Variants in PRKCH observed in about 807,000 individuals in gnomAD.
The protein encoded by PRKCH is protein kinase C eta.
A neutral mutation model predicts 82.5 loss-of-function variants in PRKCH; 28 were observed. The observed-to-expected ratio is 0.34, with a 90% CI of 0.25 to 0.47. The LOEUF (loss-of-function observed/expected upper bound fraction) is 0.47, where lower values mean the gene tolerates loss of function less well. Ranked by LOEUF, PRKCH falls within the 20% of genes least tolerant of loss-of-function variation. The pLI, the probability that PRKCH is intolerant of heterozygous loss-of-function variation, is 1.00. For missense variants in PRKCH, 705 were observed against 881.8 expected (o/e 0.80, Z 2.54); for synonymous variants, 322 against 327.4 (o/e 0.98, Z 0.18).
intron 1 of PRKCH, chr14:61,304,675 T>C (rs866645617): frequency 5.3e-5 from 8 of 151,312 alleles, no homozygotes; most frequent in African/African-American, 1.9e-4. Context: ...AAAAAAAAAA[T>C]TAGTTGGACA....
At chr14:61,469,536 C>T (rs1456260233) in intron 9 of PRKCH, among the ~76,000 whole-genome samples, 1 of 152,192 alleles carries the variant, frequency 6.6e-6, no homozygotes, top group Non-Finnish European at 1.5e-5. Flanking sequence ...TGAGCTGGGA[C>T]TGCCAGGTAG....
At chr14:61,424,008 T>C (rs542810360) in intron 2 of PRKCH, among the ~76,000 whole-genome samples, 49 of 152,266 alleles carry the variant, frequency 3.2e-4, no homozygotes, top group African/African-American at 1.1e-3. Context: ...CGAGAACTGA[T>C]GGTTTTATAA....
At chr14:61,473,647 G>A (rs779890373) in intron 9 of PRKCH, among the ~76,000 whole-genome samples, 1 of 152,162 alleles carries the variant, frequency 6.6e-6, no homozygotes, top group African/African-American at 2.4e-5. Flanking sequence ...ACTTGAGATG[G>A]GAGATCAGTT....
intron 1 of PRKCH, among the ~76,000 whole-genome samples, chr14:61,248,798 A>ATGTATG (rs1428817945): frequency 5.9e-4 from 13 of 21,986 alleles, no homozygotes; most frequent in Middle Eastern, 0.017. Flanking sequence ...GTATGTATGT[A>ATGTATG]TGTGTGTGTG....
At chr14:61,431,911 T>C (rs995376149) in intron 2 of PRKCH, among the ~76,000 whole-genome samples, 5 of 152,220 alleles carry the variant, frequency 3.3e-5, no homozygotes, top group Non-Finnish European at 5.9e-5. Context: ...ATTTACTTTC[T>C]ACTTTTTCTA....
rs1482773242 is a variant in PRKCH, at chr14:61,533,339, T to TG, written c.1761+2744_1761+2745insG. On this transcript the variant is annotated intron_variant, in intron 12 of 13. Transcript: ENST00000332981. ...AGAGGATTTCTGGGATTTTTTTTTT[T>TG]TTTTTGTGCATTTTACTCTCCATGC... 2.2e-4 allele frequency among the ~76,000 whole-genome samples: 33 copies of TG among 151,660 alleles called. No individual in the cohort carries two copies. The East Asian group carries it at 4.5e-3, about 21-fold the overall frequency.
chr14:61,244,285 T>C (rs1056372448), intron 1 of PRKCH, among the ~76,000 whole-genome samples: 3 of 152,176 alleles, frequency 2.0e-5, no homozygotes, highest in African/African-American at 7.2e-5. Context: ...GAGGGTTTTT[T>C]TCAGCTGAGG....
chr14:61,230,532 C>G (rs1376638237), intron 1 of PRKCH, among the ~76,000 whole-genome samples: 1 of 152,184 alleles, frequency 6.6e-6, no homozygotes, highest in Non-Finnish European at 1.5e-5. Context: ...TAGGTCGTGT[C>G]TCATTCTCTG....
At chr14:61,337,950 C>T (rs2045880066) in intron 1 of PRKCH, among the ~76,000 whole-genome samples, 1 of 152,228 alleles carries the variant, frequency 6.6e-6, no homozygotes, top group Non-Finnish European at 1.5e-5. Flanking sequence ...CCTTTGTTAG[C>T]TCTTTGGTTG....
At position 61,439,589 on chromosome 14, in the gene PRKCH, A is replaced by G. The variant is rs563866902; in HGVS notation, c.428-3522A>G. On this transcript the variant is annotated intron_variant, in intron 2 of 13. Coordinates refer to ENST00000332981, the MANE Select transcript of PRKCH (RefSeq NM_006255.5). ...ACGGCCCCAGGTCGTGAGAGAAGACATTGAGGTGCACTCCCGGCCTGCTGT... is the reference window on the plus strand; with the variant it reads ...ACGGCCCCAGGTCGTGAGAGAAGACGTTGAGGTGCACTCCCGGCCTGCTGT... Among the ~76,000 whole-genome samples the G allele has an allele frequency of 5.3e-5, 8 of 152,234 alleles. No homozygotes were observed. The South Asian group carries it at 1.7e-3, about 32-fold the overall frequency.
chr14:61,456,246 T>C (rs1249154453), intron 7 of PRKCH, among the ~76,000 whole-genome samples: 1 of 152,134 alleles, frequency 6.6e-6, no homozygotes, highest in African/African-American at 2.4e-5. Context: ...TTGCTCAGGG[T>C]CTTAGGTTAG....
At chr14:61,513,999 C>A (rs1014451674) in intron 10 of PRKCH, among the ~76,000 whole-genome samples, 1 of 152,116 alleles carries the variant, frequency 6.6e-6, no homozygotes, top group African/African-American at 2.4e-5. Context: ...TGCTTTCTAA[C>A]TCGAGACAGT....
At chr14:61,232,881 C>T (rs991130199) in intron 1 of PRKCH, among the ~76,000 whole-genome samples, 1 of 152,098 alleles carries the variant, frequency 6.6e-6, no homozygotes, top group Admixed American at 6.6e-5. Flanking sequence ...GCAGGGGTTG[C>T]CAACCGTCAG....
At chr14:61,457,463 C>T (rs1253995666) in intron 8 of PRKCH, 43 bp from the exon 9 acceptor site, 1 of 1,604,918 alleles carries the variant, frequency 6.2e-7, no homozygotes, top group African/African-American at 1.3e-5. Context: ...CCTAAGACCC[C>T]CAAGAGGACT....
At position 61,479,640 on chromosome 14, in the gene PRKCH, C is replaced by T. The variant is rs79346645; in HGVS notation, c.1279-5862C>T. Among the ~76,000 whole-genome samples, 2,962 of 152,318 alleles carry T rather than the reference C, an allele frequency of 0.019. 168 individuals are homozygous for T. The East Asian group carries it at 0.24, about 12-fold the overall frequency. On this transcript the variant is annotated intron_variant, in intron 9 of 13. Coordinates refer to ENST00000332981, the MANE Select transcript of PRKCH (RefSeq NM_006255.5). ...ATTGCCCATCAGCTTTAACTCCTAT[C>T]GAACAGCCCTTAATGAGGGGGCCTT...
intron 12 of PRKCH, among the ~76,000 whole-genome samples, chr14:61,537,007 A>G (rs191227955): frequency 2.5e-4 from 38 of 152,340 alleles, no homozygotes; most frequent in Middle Eastern, 3.4e-3. Flanking sequence ...GTGCGGGGGT[A>G]GCTTGAGCAC....
At chr14:61,217,349 C>T (rs1594857293) in intron 1 of PRKCH, among the ~76,000 whole-genome samples, 1 of 152,138 alleles carries the variant, frequency 6.6e-6, no homozygotes, top group Non-Finnish European at 1.5e-5. Context: ...GAGGTTGAGG[C>T]TGCAGTGAGC....
At chr14:61,188,423 TGGCTCC>T (rs1052709331) in intron 1 of PRKCH, among the ~76,000 whole-genome samples, 15 of 151,490 alleles carry the variant, frequency 9.9e-5, no homozygotes, top group African/African-American at 3.7e-4. Context: ...GCTCCGGCTC[TGGCTCC>T]GGCTCCGGCT....
chr14:61,513,881 TTGAC>T (rs1407572208), intron 10 of PRKCH, among the ~76,000 whole-genome samples: 3 of 152,074 alleles, frequency 2.0e-5, no homozygotes, highest in Non-Finnish European at 4.4e-5. Context: ...GATATAGTGA[TTGAC>T]TGATGTGAGA....
Sources: gnomAD v4.1 joint callset for allele counts (sites outside exome capture counted in the v4.1 genomes callset) on GRCh38, gnomAD v4.1.1 for gene constraint, MANE v1.5 for transcripts, NCBI Gene and HGNC (gene_info 2026-07-23, HGNC 2026-07-21) for gene names.